Variants in PTPRR observed in about 807,000 individuals in gnomAD.
The protein encoded by PTPRR is protein tyrosine phosphatase receptor type R.
PTPRR carries 38 observed loss-of-function variants against 77.2 expected under a neutral mutation model. The observed-to-expected ratio is 0.49, with a 90% CI of 0.38 to 0.65. The LOEUF is 0.65. Among genes scored for constraint, PTPRR ranks in the 30% least tolerant of loss-of-function variants. PTPRR has a pLI of 0.00. For synonymous variants in PTPRR, 299 were observed against 283.1 expected (o/e 1.06, Z -0.57); for missense variants, 744 against 799.2 (o/e 0.93, Z 0.83).
chr12:70,789,100 T>C (rs1592758890), intron 2 of PTPRR: 6 of 442,514 alleles, frequency 1.4e-5, no homozygotes, highest in Admixed American at 7.8e-5. Flanking sequence ...ATTTTTTTTT[T>C]CCATGGGAAT....
intron 6 of PTPRR, among the ~76,000 whole-genome samples, chr12:70,708,815 A>AACAC (rs142909764): frequency 0.061 from 5,438 of 88,982 alleles, 287 homozygotes; most frequent in African/African-American, 0.16. Context: ...TACAAATACA[A>AACAC]ACACACACAC....
At chr12:70,788,623 T>C (rs981901574) in intron 2 of PTPRR, among the ~76,000 whole-genome samples, 3 of 152,240 alleles carry the variant, frequency 2.0e-5, no homozygotes, top group African/African-American at 7.2e-5. Flanking sequence ...ATATTTTGAA[T>C]GACTGCATAG....
intron 10 of PTPRR, among the ~76,000 whole-genome samples, chr12:70,671,111 C>T (rs1887205756): frequency 6.6e-6 from 1 of 152,048 alleles, no homozygotes; most frequent in Non-Finnish European, 1.5e-5. Context: ...TTGTCTTTTC[C>T]AAACAATGAC....
chr12:70,644,917 C>G (rs1387128920), intron 13 of PTPRR, among the ~76,000 whole-genome samples: 3 of 152,148 alleles, frequency 2.0e-5, no homozygotes, highest in African/African-American at 7.2e-5. Flanking sequence ...GTTTTTTTAA[C>G]TTACTTAGCT....
At chr12:70,678,414 A>C (rs1887530283) in intron 10 of PTPRR, among the ~76,000 whole-genome samples, 2 of 151,922 alleles carry the variant, frequency 1.3e-5, no homozygotes, top group Non-Finnish European at 2.9e-5. Flanking sequence ...TCATTGTTCA[A>C]TCTTGGAAGG....
chr12:70,903,329 A>G (rs895276016), intron 1 of PTPRR, among the ~76,000 whole-genome samples: 5 of 151,872 alleles, frequency 3.3e-5, no homozygotes, highest in African/African-American at 9.7e-5. Flanking sequence ...TTTACCCTGT[A>G]TATCTATATA....
chr12:70,744,220 G>A (rs908505157), intron 6 of PTPRR, among the ~76,000 whole-genome samples: 1 of 152,220 alleles, frequency 6.6e-6, no homozygotes, highest in African/African-American at 2.4e-5. Context: ...GAATGACTCA[G>A]GTGAGGCCAC....
intron 1 of PTPRR, among the ~76,000 whole-genome samples, chr12:70,907,798 G>A (rs1461433567): frequency 6.6e-6 from 1 of 152,110 alleles, no homozygotes; most frequent in Non-Finnish European, 1.5e-5. Context: ...TGAGTCAAAG[G>A]ATACTGGGAG....
At chr12:70,820,922 CTT>C (rs33998647) in intron 2 of PTPRR, among the ~76,000 whole-genome samples, 2,225 of 152,282 alleles carry the variant, frequency 0.015, 26 homozygotes, top group Non-Finnish European at 0.025. Flanking sequence ...CCTCAACTCT[CTT>C]TGTTGTATTC....
rs1199045280 is a variant in PTPRR, at chr12:70,767,557, A to G, written c.358-2779T>C. Among the ~76,000 whole-genome samples the G allele has an allele frequency of 2.0e-5, 3 of 152,090 alleles. No individual in the cohort carries two copies. The East Asian group carries it at 5.8e-4, about 29-fold the overall frequency. ...ACAAAGAGACTTAGACTCCTACACA[A>G]TAATAATGGGAGACGTTAACACCCC... is the stretch of plus-strand genomic sequence containing the variant. On this transcript the variant is annotated intron_variant, in intron 2 of 13. Coordinates refer to ENST00000283228, the MANE Select transcript of PTPRR (RefSeq NM_002849.4).
intron 1 of PTPRR, among the ~76,000 whole-genome samples, chr12:70,913,185 T>A (rs1224518262): frequency 6.6e-6 from 1 of 152,132 alleles, no homozygotes; most frequent in African/African-American, 2.4e-5. Context: ...ATTCTTCAGG[T>A]GTAAGAATGT....
At chr12:70,840,918 C>T (rs1892385019) in intron 2 of PTPRR, among the ~76,000 whole-genome samples, 1 of 150,804 alleles carries the variant, frequency 6.6e-6, no homozygotes, top group South Asian at 2.1e-4. Flanking sequence ...CATTCACAAC[C>T]AATATTATCA....
In PTPRR at chr12:70,868,280, C is replaced by G. The variant is rs1892894643; in HGVS notation, c.357+24399G>C. On this transcript the variant is annotated intron_variant, in intron 2 of 13. Transcript: ENST00000283228. ...ACAAAATGGGAAAAAATTTTCGCAA[C>G]CTACTCATCTGACAAAGGGCTAATA... Among the ~76,000 whole-genome samples, 8 of 151,804 alleles carry G rather than the reference C, an allele frequency of 5.3e-5. No individual in the cohort carries two copies. In the South Asian group the frequency reaches 1.7e-3, roughly 32 times the overall value.
At position 70,810,604 on chromosome 12, in the gene PTPRR, A is replaced by G. The variant is rs117052555; in HGVS notation, c.358-45826T>C. Among the ~76,000 whole-genome samples, 62 of 152,302 alleles carry G rather than the reference A, an allele frequency of 4.1e-4. No homozygotes were observed. The East Asian group carries it at 0.011, about 27-fold the overall frequency. ...ACTGTTATGTATAATAAATATGAAA[A>G]TCATACCAAAACCTTAAGTTGCCTG... On this transcript the variant is annotated intron_variant, in intron 2 of 13. Transcript: ENST00000283228.
chr12:70,686,673 C>T (rs1476541343), intron 8 of PTPRR, among the ~76,000 whole-genome samples: 1 of 152,028 alleles, frequency 6.6e-6, no homozygotes, highest in African/African-American at 2.4e-5. Flanking sequence ...CTCAAGCAGC[C>T]CAATGAAGAG....
chr12:70,823,996 G>C (rs1892067255), intron 2 of PTPRR, among the ~76,000 whole-genome samples: 1 of 152,122 alleles, frequency 6.6e-6, no homozygotes, highest in African/African-American at 2.4e-5. Flanking sequence ...TATGAGTCAG[G>C]GTTCTTCTCA....
Position 70,920,380 on chromosome 12 carries a change from G to A in PTPRR, c.11C>T (p.Ala4Val). Reference sequence around the variant, plus strand: ...CAGGCACAGCGCAGGGAAGCAGACTGCTCTCCGCATAGTGTTTGCATTGAG... The same window carrying A: ...CAGGCACAGCGCAGGGAAGCAGACTACTCTCCGCATAGTGTTTGCATTGAG... MRRAVCFPALCLLL... is the reference protein window; with the variant it reads MRRVVCFPALCLLL... Residue 4 changes from alanine to valine, a missense_variant, in exon 1 of 14, where the codon GCA becomes GTA. By Grantham distance (64) the Ala-to-Val change is moderately conservative. Coordinates refer to ENST00000283228, the MANE Select transcript of PTPRR (RefSeq NM_002849.4). 6.2e-7 allele frequency: 1 copy of A among 1,613,458 alleles called. No individual in the cohort carries two copies. The highest frequency in any genetic ancestry group is 8.5e-7 in the Non-Finnish European group (1 of 1,179,800).
intron 13 of PTPRR, among the ~76,000 whole-genome samples, chr12:70,647,502 T>C (rs1379697049): frequency 6.6e-6 from 1 of 152,260 alleles, no homozygotes; most frequent in Non-Finnish European, 1.5e-5. Flanking sequence ...AATGTGTAAA[T>C]GACCTTCTGT....
chr12:70,679,987 T>G (rs972357601), intron 10 of PTPRR, among the ~76,000 whole-genome samples: 3 of 152,214 alleles, frequency 2.0e-5, no homozygotes, highest in Admixed American at 2.0e-4. Context: ...TGTTTCCCTT[T>G]GTGACTTGGT....
Sources: gnomAD v4.1 joint callset for allele counts (sites outside exome capture counted in the v4.1 genomes callset) on GRCh38, gnomAD v4.1.1 for gene constraint, MANE v1.5 for transcripts, NCBI Gene and HGNC (gene_info 2026-07-23, HGNC 2026-07-21) for gene names.